PHACTR1: variants seen among roughly 807,000 people sequenced by gnomAD.
PHACTR1 encodes the protein RPEL repeat containing 1.
PHACTR1 carries 16 observed loss-of-function variants against 69.2 expected under a neutral mutation model. The observed-to-expected ratio is 0.23, with a 90% confidence interval of 0.16 to 0.35. The LOEUF is 0.35. Ranked by LOEUF, PHACTR1 falls within the 10% of genes least tolerant of loss-of-function variation. PHACTR1 has a pLI of 1.00. For missense variants in PHACTR1, 510 were observed against 734.7 expected, an observed-to-expected ratio of 0.69 and a Z score of 3.54; for synonymous variants, 312 against 284.5, an observed-to-expected ratio of 1.10 and a Z score of -0.97.
chr6:12,959,270 G>A (rs1014902511), intron 4 of PHACTR1, among the ~76,000 whole-genome samples: 2 of 150,262 alleles, frequency 1.3e-5, no homozygotes, highest in Admixed American at 6.6e-5. Flanking sequence ...GAGGATATTT[G>A]TATATCGGAA....
chr6:13,137,899 G>T (rs941344175), intron 5 of PHACTR1, among the ~76,000 whole-genome samples: 1 of 152,220 alleles, frequency 6.6e-6, no homozygotes, highest in African/African-American at 2.4e-5. Context: ...TAAGGGGAGA[G>T]AATTCTCACC....
intron 4 of PHACTR1, among the ~76,000 whole-genome samples, chr6:12,828,334 G>A (rs1777029508): frequency 6.6e-6 from 1 of 152,108 alleles, no homozygotes; most frequent in Non-Finnish European, 1.5e-5. Context: ...GTGTTTATAT[G>A]TATTCAGTAT....
intron 10 of PHACTR1, among the ~76,000 whole-genome samples, chr6:13,255,270 G>A (rs2127406672): frequency 6.6e-6 from 1 of 152,138 alleles, no homozygotes; most frequent in East Asian, 1.9e-4. Context: ...CAAGGGGAAG[G>A]TGCTAACCCA....
chr6:12,803,354 T>A (rs1773930094), intron 4 of PHACTR1, among the ~76,000 whole-genome samples: 2 of 152,144 alleles, frequency 1.3e-5, no homozygotes, highest in East Asian at 3.9e-4. Flanking sequence ...GCTCCAGTCC[T>A]CTGACTGAGT....
At chr6:13,109,215 A>T (rs1816630457) in intron 5 of PHACTR1, among the ~76,000 whole-genome samples, 1 of 152,062 alleles carries the variant, frequency 6.6e-6, no homozygotes, top group Non-Finnish European at 1.5e-5. Context: ...AAAACTGAGT[A>T]AAAGGTATTT....
intron 3 of PHACTR1, among the ~76,000 whole-genome samples, chr6:12,735,195 A>G (rs1269004544): frequency 6.7e-6 from 1 of 148,474 alleles, no homozygotes; most frequent in Non-Finnish European, 1.5e-5. Context: ...GCCTTGCTAC[A>G]TGAGCCTCTC....
intron 4 of PHACTR1, among the ~76,000 whole-genome samples, chr6:12,842,069 T>A (rs1351451421): frequency 6.6e-6 from 1 of 152,140 alleles, no homozygotes; most frequent in Non-Finnish European, 1.5e-5. Context: ...TTTCTACCTT[T>A]TAATATAAGG....
intron 4 of PHACTR1, among the ~76,000 whole-genome samples, chr6:12,816,538 G>C (rs531264557): frequency 1.3e-5 from 2 of 152,240 alleles, no homozygotes; most frequent in African/African-American, 4.8e-5. Flanking sequence ...ATTGTGGTTG[G>C]GAGACATTTG....
chr6:12,911,695 C>T (rs527757661), intron 4 of PHACTR1, among the ~76,000 whole-genome samples: 91 of 152,188 alleles, frequency 6.0e-4, no homozygotes, highest in African/African-American at 1.8e-3. Flanking sequence ...TGACCGCTGG[C>T]GTCTCAGCTG....
At chr6:13,263,303 A>T (rs1177106253) in intron 10 of PHACTR1, among the ~76,000 whole-genome samples, 11 of 56,790 alleles carry the variant, frequency 1.9e-4, no homozygotes, top group South Asian at 5.6e-4. Context: ...TTATTTGATT[A>T]TTTCTTATGG....
chr6:12,897,377 C>T (rs1784767179), intron 4 of PHACTR1, among the ~76,000 whole-genome samples: 2 of 152,170 alleles, frequency 1.3e-5, no homozygotes, highest in Admixed American at 1.3e-4. Flanking sequence ...AGACTCCACC[C>T]ATCCTGCCTC....
At chr6:13,033,446 T>A (rs1329428709) in intron 4 of PHACTR1, among the ~76,000 whole-genome samples, 1 of 152,234 alleles carries the variant, frequency 6.6e-6, no homozygotes, top group Non-Finnish European at 1.5e-5. Flanking sequence ...GCCTGTTTTA[T>A]GGACAAGTTG....
At chr6:12,868,069 C>CCA (rs1781641161) in intron 4 of PHACTR1, among the ~76,000 whole-genome samples, 1 of 152,004 alleles carries the variant, frequency 6.6e-6, no homozygotes, top group African/African-American at 2.4e-5. Flanking sequence ...ACCATCCTGG[C>CCA]CAAATGGCGA....
intron 4 of PHACTR1, among the ~76,000 whole-genome samples, chr6:12,975,015 G>A (rs1429264725): frequency 3.9e-5 from 6 of 151,918 alleles, no homozygotes; most frequent in Non-Finnish European, 8.8e-5. Context: ...AGGGAAAAAA[G>A]CCCTCTGTAC....
At chr6:13,108,087 A>G (rs1816461116) in intron 5 of PHACTR1, among the ~76,000 whole-genome samples, 1 of 152,032 alleles carries the variant, frequency 6.6e-6, no homozygotes, top group Admixed American at 6.6e-5. Context: ...TTTCATTATT[A>G]TCCACTTCTG....
chr6:12,985,155 A>T (rs1204927163), intron 4 of PHACTR1, among the ~76,000 whole-genome samples: 2 of 152,226 alleles, frequency 1.3e-5, no homozygotes, highest in African/African-American at 4.8e-5. Flanking sequence ...CTAAGTTGAT[A>T]CTTTAAGATG....
At chr6:13,010,876 G>A (rs1461863730) in intron 4 of PHACTR1, among the ~76,000 whole-genome samples, 2 of 152,116 alleles carry the variant, frequency 1.3e-5, no homozygotes, top group East Asian at 3.8e-4. Flanking sequence ...ATTCTTCACT[G>A]AGGCAGCATT....
chr6:12,996,825 T>A (rs772360539), intron 4 of PHACTR1, among the ~76,000 whole-genome samples: 9 of 152,210 alleles, frequency 5.9e-5, no homozygotes, highest in Non-Finnish European at 1.2e-4. Flanking sequence ...ATTCTAAATA[T>A]AATATTTTAA....
intron 5 of PHACTR1, among the ~76,000 whole-genome samples, chr6:13,055,174 T>C (rs9296592): frequency 0.24 from 35,839 of 152,128 alleles, 4,489 homozygotes; most frequent in African/African-American, 0.3. Context: ...CCTGATGTTA[T>C]ATTTGTTAAT....
Sources: allele counts gnomAD v4.1 joint callset (sites outside exome capture counted in the v4.1 genomes callset), GRCh38; gene constraint gnomAD v4.1.1; transcripts MANE v1.5; gene names NCBI Gene and HGNC (gene_info 2026-07-23, HGNC 2026-07-21).